Variants in TTC7B observed in about 807,000 individuals in gnomAD.
TTC7B encodes tetratricopeptide repeat protein 7B.
In TTC7B, 28 loss-of-function variants were observed where a neutral mutation model predicts 106.8. That is an observed-to-expected ratio of 0.26 (90% CI 0.19 to 0.36). The LOEUF (loss-of-function observed/expected upper bound fraction) is 0.36. Ranked by LOEUF, TTC7B falls within the 10% of genes least tolerant of loss-of-function variation. The pLI is 1.00. For missense variants in TTC7B, 862 were observed against 1,076.4 expected (o/e 0.80, Z 2.79); for synonymous variants, 405 against 430.6 (o/e 0.94, Z 0.74).
chr14:90,569,459 A>G (rs972072120), intron 19 of TTC7B, among the ~76,000 whole-genome samples: 3 of 152,198 alleles, frequency 2.0e-5, no homozygotes, highest in Admixed American at 2.0e-4. Flanking sequence ...CTGAGAATTC[A>G]TCTGACCTGA....
intron 1 of TTC7B, among the ~76,000 whole-genome samples, chr14:90,812,125 C>T (rs1364327327): frequency 3.9e-5 from 6 of 152,162 alleles, no homozygotes; most frequent in Admixed American, 1.3e-4. Context: ...AATCCTCACA[C>T]GTGCCCTGAG....
At chr14:90,573,570 G>A (rs891993526) in intron 19 of TTC7B, among the ~76,000 whole-genome samples, 1 of 130,482 alleles carries the variant, frequency 7.7e-6, no homozygotes, top group East Asian at 2.1e-4. Flanking sequence ...GTCCCTCTCC[G>A]GCTCACGGTC....
intron 3 of TTC7B, among the ~76,000 whole-genome samples, chr14:90,768,777 A>G (rs2401913): frequency 0.28 from 42,054 of 152,146 alleles, 9,631 homozygotes; most frequent in African/African-American, 0.64. Context: ...AAGGATCTCA[A>G]TAAAAGTGAA....
At chr14:90,727,186 C>T (rs539406620) in intron 5 of TTC7B, among the ~76,000 whole-genome samples, 4 of 152,258 alleles carry the variant, frequency 2.6e-5, no homozygotes, top group Admixed American at 1.3e-4. Flanking sequence ...AGAAATCACC[C>T]AACCAACAGA....
intron 9 of TTC7B, among the ~76,000 whole-genome samples, chr14:90,659,895 C>A (rs1237684011): frequency 6.6e-6 from 1 of 152,090 alleles, no homozygotes; most frequent in Non-Finnish European, 1.5e-5. Context: ...TAAATTAGGT[C>A]CCAGAAGACT....
intron 4 of TTC7B, among the ~76,000 whole-genome samples, chr14:90,739,888 C>T (rs1202061707): frequency 6.6e-6 from 1 of 152,244 alleles, no homozygotes; most frequent in Non-Finnish European, 1.5e-5. Context: ...ATTCCCATCA[C>T]TGCACCACTA....
rs888322560 is a variant in TTC7B, at chr14:90,757,143, A to G, written c.446-12221T>C. 1.3e-5 allele frequency among the ~76,000 whole-genome samples: 2 copies of G among 152,098 alleles called. No homozygotes were observed. The highest frequency in any genetic ancestry group is 2.9e-5 in the Non-Finnish European group (2 of 68,002). On this transcript the variant is annotated intron_variant, in intron 3 of 19. Coordinates refer to ENST00000328459, the MANE Select transcript of TTC7B (RefSeq NM_001010854.2). The surrounding 1 kb of genome is among the most constrained non-coding windows in gnomAD (Gnocchi z 4.1). ...CCCACAGCGCCCCCTCACAACCCCT[A>G]CTACCACATCTCTGGGTTTCCTACA...
chr14:90,765,855 G>C (rs1890657910), intron 3 of TTC7B, among the ~76,000 whole-genome samples: 1 of 152,174 alleles, frequency 6.6e-6, no homozygotes, highest in South Asian at 2.1e-4. Context: ...CATTGTTGCT[G>C]CACCTCCCTT....
In TTC7B at chr14:90,541,175, CA is replaced by C. The variant is rs199994385; in HGVS notation, c.*192del. ...GGTTCAGAAACTACCATTGGGCTGG[CA>C]AAAAAAACAAGAGAAACGCACATGG... On this transcript the variant is annotated 3_prime_UTR_variant, in exon 20 of 20. Transcript: ENST00000328459. 78 of 462,046 alleles carry C rather than the reference CA, an allele frequency of 1.7e-4. No homozygotes were observed. Among genetic ancestry groups the C allele is most frequent in the South Asian group, 2.2e-4 (4 of 18,154 alleles). 28.6% of individuals were successfully genotyped at this position (462,046 alleles called of 1,614,324 possible).
chr14:90,647,275 C>A (rs1885500509), intron 13 of TTC7B: 2 of 442,748 alleles, frequency 4.5e-6, no homozygotes, highest in East Asian at 8.2e-5. Context: ...GCAGCTGAAG[C>A]TTGTCGGCTT....
chr14:90,574,719 C>T (rs1163980450), intron 19 of TTC7B, among the ~76,000 whole-genome samples: 1 of 152,226 alleles, frequency 6.6e-6, no homozygotes, highest in African/African-American at 2.4e-5. Context: ...CATAACTGTT[C>T]TCTGCCGTCA....
Position 90,805,416 on chromosome 14 carries a change from A to G in TTC7B, c.121+10759T>C, listed in dbSNP as rs973890797. ...GTAGCTGCGATTACAGGCGTGTACC[A>G]CAATGCCCGGCTAATTTTTTTGTAC... On this transcript the variant is annotated intron_variant, in intron 1 of 19. Coordinates refer to ENST00000328459, the MANE Select transcript of TTC7B (RefSeq NM_001010854.2). This position sits in a 1 kb window ranked among gnomAD's most constrained non-coding sequence, Gnocchi z 4.0. Among the ~76,000 whole-genome samples the G allele has an allele frequency of 2.6e-5, 4 of 152,152 alleles. No homozygotes were observed. Among genetic ancestry groups the G allele is most frequent in the African/African-American group, 9.7e-5 (4 of 41,448 alleles).
chr14:90,573,025 A>G (rs1372011766), intron 19 of TTC7B, among the ~76,000 whole-genome samples: 1 of 151,980 alleles, frequency 6.6e-6, no homozygotes, highest in Non-Finnish European at 1.5e-5. Context: ...TTTTATCACT[A>G]CTTCCTTGGG....
intron 9 of TTC7B, among the ~76,000 whole-genome samples, chr14:90,660,395 C>CAAAAAAAAAAAAAAAAAAAAA (rs57030874): frequency 3.4e-4 from 14 of 40,886 alleles, no homozygotes; most frequent in Non-Finnish European, 4.7e-4. Context: ...CACCCTGTCT[C>CAAAAAAAAAAAAAAAAAAAAA]AAAAAAAAAA....
chr14:90,653,714 G>T (rs1208626957), intron 12 of TTC7B, among the ~76,000 whole-genome samples: 1 of 152,204 alleles, frequency 6.6e-6, no homozygotes, highest in East Asian at 1.9e-4. Context: ...GCAGTGAAAG[G>T]CTGCCAGGGG....
At chr14:90,581,837 C>G (rs1891506808) in intron 18 of TTC7B, among the ~76,000 whole-genome samples, 1 of 152,182 alleles carries the variant, frequency 6.6e-6, no homozygotes, top group South Asian at 2.1e-4. Flanking sequence ...GCCAAGCCTG[C>G]CTAAGCCTCA....
rs918889569 is a variant in TTC7B at position 90,529,613 on chromosome 14, A to G, written c.*11755T>C. ...CTGTAGTATTACCCAAACTTGGGCA[A>G]GTTTGTTCATCTTCTGAAGAGAGCT... On this transcript the variant is annotated 3_prime_UTR_variant, in exon 20 of 20. Transcript: ENST00000328459. 1 of 152,202 alleles carries G rather than the reference A, an allele frequency of 6.6e-6. No homozygotes were observed. The highest frequency in any genetic ancestry group is 2.4e-5 in the African/African-American group (1 of 41,432). 9.4% of individuals were successfully genotyped at this position (152,202 alleles called of 1,614,324 possible).
intron 5 of TTC7B, among the ~76,000 whole-genome samples, chr14:90,723,239 A>G (rs1213992269): frequency 6.6e-6 from 1 of 152,044 alleles, no homozygotes; most frequent in Non-Finnish European, 1.5e-5. Flanking sequence ...CCCAAATCCA[A>G]TCCACCAGCA....
chr14:90,583,171 G>A (rs1036169630), intron 18 of TTC7B, among the ~76,000 whole-genome samples: 1 of 152,188 alleles, frequency 6.6e-6, no homozygotes, highest in Non-Finnish European at 1.5e-5. Context: ...GGGAACTCAG[G>A]AAGAAAAGAA....
Sources: allele counts gnomAD v4.1 joint callset (sites outside exome capture counted in the v4.1 genomes callset), GRCh38; gene constraint gnomAD v4.1.1; non-coding constraint Gnocchi (gnomAD v3.1); transcripts MANE v1.5; gene names NCBI Gene and HGNC (gene_info 2026-07-23, HGNC 2026-07-21).